R3HDM2: variants seen among roughly 807,000 people sequenced by gnomAD.
R3HDM2 encodes R3H domain containing 2, also known as R3H domain-containing protein 2.
R3HDM2 carries 38 observed loss-of-function variants against 124.5 expected under a neutral mutation model. The ratio of observed to expected loss-of-function variants is 0.31; its 90% confidence interval spans 0.24 to 0.40. R3HDM2 has a LOEUF of 0.40. Among genes scored for constraint, R3HDM2 ranks in the 10% least tolerant of loss-of-function variants. The pLI is 1.00. For synonymous variants in R3HDM2, 391 were observed against 448.0 expected, an observed-to-expected ratio of 0.87 and a Z score of 1.61; for missense variants, 869 against 1,236.9, an observed-to-expected ratio of 0.70 and a Z score of 4.46.
At chr12:57,268,816 G>T in intron 17 of R3HDM2, 106 bp downstream of exon 17, 1 of 1,346,680 alleles carries the variant, frequency 7.4e-7, no homozygotes, top group South Asian at 1.4e-5. Context: ...GGGGAAAGTA[G>T]ACACTATTTT....
At chr12:57,354,666 G>A (rs774422168) in intron 2 of R3HDM2, among the ~76,000 whole-genome samples, 11 of 151,912 alleles carry the variant, frequency 7.2e-5, no homozygotes, top group African/African-American at 1.2e-4. Flanking sequence ...TTCCCTGGCC[G>A]AGTGTTTGTT....
intron 2 of R3HDM2, among the ~76,000 whole-genome samples, chr12:57,326,387 G>A (rs757410224): frequency 1.3e-5 from 2 of 152,204 alleles, no homozygotes; most frequent in Non-Finnish European, 2.9e-5. Context: ...GAATGCAAAG[G>A]AAAAGTTCTT....
intron 14 of R3HDM2, among the ~76,000 whole-genome samples, chr12:57,277,099 CAAAAA>C (rs11321648): frequency 9.4e-6 from 1 of 106,442 alleles, no homozygotes; most frequent in Admixed American, 9.9e-5. Flanking sequence ...AAATAATGAA[CAAAAA>C]AAAAAAAAAA....
chr12:57,278,649 C>T (rs1249198919), intron 14 of R3HDM2, among the ~76,000 whole-genome samples: 2 of 152,114 alleles, frequency 1.3e-5, no homozygotes, highest in African/African-American at 2.4e-5. Context: ...GGACACTATG[C>T]TTCAGTAGGG....
intron 1 of R3HDM2, among the ~76,000 whole-genome samples, chr12:57,404,106 C>T (rs2139093523): frequency 1.3e-5 from 1 of 74,708 alleles, no homozygotes; most frequent in Admixed American, 1.9e-4. Flanking sequence ...CTCTTGTTGC[C>T]CAGGCTGGAG....
chr12:57,329,123 G>A (rs2057745616), intron 2 of R3HDM2, among the ~76,000 whole-genome samples: 1 of 152,114 alleles, frequency 6.6e-6, no homozygotes, highest in Admixed American at 6.6e-5. Context: ...ACATCCTGGA[G>A]CTGATTGGGA....
chr12:57,356,833 G>A (rs1371136330), intron 2 of R3HDM2, among the ~76,000 whole-genome samples: 2 of 152,160 alleles, frequency 1.3e-5, no homozygotes, highest in African/African-American at 4.8e-5. Context: ...AAATTTGGCC[G>A]GGCGTGGTAG....
intron 2 of R3HDM2, among the ~76,000 whole-genome samples, chr12:57,384,060 A>C (rs1356459819): frequency 6.6e-6 from 1 of 152,128 alleles, no homozygotes; most frequent in Non-Finnish European, 1.5e-5. Context: ...TATTTAGCCA[A>C]ATAGAAAAGT....
chr12:57,302,609 C>A lies in R3HDM2; in HGVS notation c.207+567G>T, dbSNP rs1438505241. On this transcript the variant is annotated intron_variant, in intron 4 of 23. Transcript: ENST00000402412. Reference sequence around the variant, plus strand: ...TGAATCCAGAAGACGGAGGTTGCAGCGAGCCAGGATTGCACCATCGCACTA... The same window carrying A: ...TGAATCCAGAAGACGGAGGTTGCAGAGAGCCAGGATTGCACCATCGCACTA... Among the ~76,000 whole-genome samples the A allele has an allele frequency of 2.1e-5, 3 of 144,692 alleles. No individual in the cohort carries two copies. The South Asian group carries it at 6.4e-4, about 31-fold the overall frequency. 94.9% of individuals were successfully genotyped at this position (144,692 alleles called of 152,430 possible). A position where few individuals can be genotyped will look rare whatever the true frequency, so the allele number is the denominator to read the frequency against.
At chr12:57,429,858 T>C (rs955805313) in intron 1 of R3HDM2, among the ~76,000 whole-genome samples, 3 of 152,080 alleles carry the variant, frequency 2.0e-5, no homozygotes, top group Non-Finnish European at 2.9e-5. Context: ...TATCTAAAAA[T>C]ACAAGAAAAT....
intron 2 of R3HDM2, among the ~76,000 whole-genome samples, chr12:57,316,693 C>A (rs1414851976): frequency 6.8e-6 from 1 of 146,816 alleles, no homozygotes; most frequent in African/African-American, 2.5e-5. Context: ...TCAAGTGATT[C>A]TCCTGCCTCA....
intron 1 of R3HDM2, among the ~76,000 whole-genome samples, chr12:57,408,437 T>C (rs2068720038): frequency 6.6e-6 from 1 of 152,116 alleles, no homozygotes; most frequent in Non-Finnish European, 1.5e-5. Context: ...TGCTTCAAAA[T>C]AATCAATAAG....
intron 1 of R3HDM2, chr12:57,418,271 C>A (rs2069843039): frequency 1.0e-6 from 1 of 985,286 alleles, no homozygotes; most frequent in Non-Finnish European, 1.2e-6. Flanking sequence ...TTCATCTGCT[C>A]TTTTCAGCTC....
At chr12:57,411,867 C>G (rs900532724) in intron 1 of R3HDM2, among the ~76,000 whole-genome samples, 4 of 152,156 alleles carry the variant, frequency 2.6e-5, no homozygotes, top group Admixed American at 2.6e-4. Context: ...ACGGAGAGAC[C>G]TGGTGGGAGG....
At chr12:57,369,524 T>C (rs1253206637) in intron 2 of R3HDM2, among the ~76,000 whole-genome samples, 1 of 152,240 alleles carries the variant, frequency 6.6e-6, no homozygotes, top group African/African-American at 2.4e-5. Flanking sequence ...AAATCTAGCA[T>C]GTCTTTTTTT....
intron 2 of R3HDM2, among the ~76,000 whole-genome samples, chr12:57,373,675 G>A (rs1049345485): frequency 5.3e-5 from 8 of 151,726 alleles, no homozygotes; most frequent in Non-Finnish European, 1.2e-4. Context: ...GGGGGGTGGT[G>A]GCGCATGCCT....
In R3HDM2 at chr12:57,391,457, T is replaced by A. The variant is rs11172196; in HGVS notation, c.-36+4292A>T. Among the ~76,000 whole-genome samples the A allele has an allele frequency of 3.3e-5, 5 of 152,238 alleles. No homozygotes were observed. In the East Asian group the frequency reaches 5.8e-4, roughly 18 times the overall value. ...AGGGAATGGGATGGAGGGAGGCAGG[T>A]GTAGTTATAAAAGGGCAACAAGAAA... On this transcript the variant is annotated intron_variant, in intron 2 of 23. Transcript: ENST00000402412.
At chr12:57,375,159 T>C (rs1034123399) in intron 2 of R3HDM2, among the ~76,000 whole-genome samples, 4 of 151,816 alleles carry the variant, frequency 2.6e-5, no homozygotes, top group Non-Finnish European at 5.9e-5. Context: ...TCTGCAGCCA[T>C]CAAAATATAC....
intron 3 of R3HDM2, among the ~76,000 whole-genome samples, chr12:57,305,945 T>C (rs918551220): frequency 1.3e-5 from 2 of 152,196 alleles, no homozygotes; most frequent in African/African-American, 4.8e-5. Context: ...TATATAGACC[T>C]GCAAATAGGT....
Sources: allele counts gnomAD v4.1 joint callset (sites outside exome capture counted in the v4.1 genomes callset), GRCh38; gene constraint gnomAD v4.1.1; transcripts MANE v1.5; gene names NCBI Gene and HGNC (gene_info 2026-07-23, HGNC 2026-07-21).